Variants in DYNC2H1 observed in about 807,000 individuals in gnomAD.
The protein encoded by DYNC2H1 is dynein cytoplasmic 2 heavy chain 1.
DYNC2H1 carries 410 observed loss-of-function variants against 570.0 expected under a neutral mutation model. The ratio of observed to expected loss-of-function variants is 0.72; its 90% CI spans 0.66 to 0.78. The LOEUF (loss-of-function observed/expected upper bound fraction) is 0.78. Among genes scored for constraint, DYNC2H1 ranks in the 30% least tolerant of loss-of-function variants. DYNC2H1 has a pLI of 0.00. For missense variants in DYNC2H1, 4,865 were observed against 5,046.4 expected, an observed-to-expected ratio of 0.96 and a Z score of 1.09; for synonymous variants, 1,688 against 1,677.6, an observed-to-expected ratio of 1.01 and a Z score of -0.15.
chr11:103,433,415 T>G (rs1209393141), intron 84 of DYNC2H1, among the ~76,000 whole-genome samples: 3 of 152,120 alleles, frequency 2.0e-5, no homozygotes, highest in Admixed American at 1.3e-4. Flanking sequence ...TAAATTGCCC[T>G]AAGTCTTAGT....
Position 103,412,461 on chromosome 11 carries a change from A to G in DYNC2H1, c.12366+12589A>G, listed in dbSNP as rs76298185. The stretch of plus-strand genomic sequence containing the variant: ...TTTAAAATATACAGCAAAAATTACA[A>G]AGGTGCAAATGCCAAATTGCTTTAT... On this transcript the variant is annotated intron_variant, in intron 84 of 88. Transcript: ENST00000375735. Among the ~76,000 whole-genome samples the G allele has an allele frequency of 1.6e-3, 238 of 152,336 alleles. 4 individuals are homozygous for G. The East Asian group carries it at 0.039, about 25-fold the overall frequency.
At chr11:103,447,075 A>G (rs751793210) in intron 85 of DYNC2H1, among the ~76,000 whole-genome samples, 2 of 152,170 alleles carry the variant, frequency 1.3e-5, no homozygotes, top group Admixed American at 6.5e-5. Context: ...AGTCAGGGAA[A>G]TGGTAAATAA....
Position 103,277,174 on chromosome 11 carries a change from A to T in DYNC2H1, c.10696-3174A>T, listed in dbSNP as rs553486771. Among the ~76,000 whole-genome samples, 36 of 152,212 alleles carry T rather than the reference A, an allele frequency of 2.4e-4. No individual in the cohort carries two copies. The South Asian group carries it at 6.6e-3, about 28-fold the overall frequency. On this transcript the variant is annotated intron_variant, in intron 70 of 88. Coordinates refer to ENST00000375735, the MANE Select transcript of DYNC2H1 (RefSeq NM_001377.3). This position sits in a 1 kb window ranked among gnomAD's most constrained non-coding sequence, Gnocchi z 4.3. ...TGTTACCCCCTTTTAGACCTTATATAACAGGTGTTAAAAATTTGGTTTTAT... is the reference window on the plus strand; with the variant it reads ...TGTTACCCCCTTTTAGACCTTATATTACAGGTGTTAAAAATTTGGTTTTAT...
Position 103,200,103 on chromosome 11 carries a change from C to T in DYNC2H1, c.8146C>T (p.Gln2716Ter), listed in dbSNP as rs374452039. Residue 2716 changes from glutamine (Q) to a stop codon, truncating the protein, a stop_gained, in exon 50 of 89, where the codon CAG (glutamine) becomes TAG (stop). Transcript: ENST00000375735. LOFTEE classifies it high-confidence loss of function. ...QQVVLLLEDY[Q>*]FVHPTFLEMI... ...GGTAGTTTTACTTCTTGAGGATTACCAGTTTGTACATCCTACATTTTTGGA... is the reference window on the plus strand; with the variant it reads ...GGTAGTTTTACTTCTTGAGGATTACTAGTTTGTACATCCTACATTTTTGGA... 77 of 1,589,980 alleles carry T rather than the reference C, an allele frequency of 4.8e-5. No individual in the cohort carries two copies. Among genetic ancestry groups the T allele is most frequent in the Non-Finnish European group, 6.3e-5 (74 of 1,167,272 alleles).
chr11:103,418,919 G>A (rs1312198308), intron 84 of DYNC2H1, among the ~76,000 whole-genome samples: 5 of 152,168 alleles, frequency 3.3e-5, no homozygotes, highest in Non-Finnish European at 7.4e-5. Flanking sequence ...CAGCTGCTCA[G>A]GTACACACAC....
At chr11:103,402,320 C>A (rs1942677438) in intron 84 of DYNC2H1, 1 of 152,100 alleles carries the variant, frequency 6.6e-6, no homozygotes, top group Admixed American at 6.6e-5. Context: ...AAGAATACTT[C>A]TGAGATAATA....
At chr11:103,368,335 G>T (rs1179974588) in intron 83 of DYNC2H1, among the ~76,000 whole-genome samples, 1 of 151,916 alleles carries the variant, frequency 6.6e-6, no homozygotes, top group Non-Finnish European at 1.5e-5. Context: ...GTTTTGATTT[G>T]CATTTCTCTG....
chr11:103,158,226 T>A (rs1860921664), intron 26 of DYNC2H1, among the ~76,000 whole-genome samples: 1 of 152,178 alleles, frequency 6.6e-6, no homozygotes, highest in South Asian at 2.1e-4. Context: ...GGCGGGCGGA[T>A]CACGAGGTCA....
chr11:103,284,959 A>G (rs1866287362), intron 73 of DYNC2H1, among the ~76,000 whole-genome samples: 1 of 152,206 alleles, frequency 6.6e-6, no homozygotes, highest in Non-Finnish European at 1.5e-5. Flanking sequence ...AAAGCCTCTG[A>G]AAGATGATAT....
chr11:103,468,721 C>G lies in DYNC2H1; in HGVS notation c.12765+16C>G. On this transcript the variant is annotated intron_variant, in intron 88 of 88. Coordinates refer to ENST00000375735, the MANE Select transcript of DYNC2H1 (RefSeq NM_001377.3). ...GATTCCACAGGTAATACATTTTTAA[C>G]AAGCACAAGTTTTAATTATATCAGT... is the stretch of plus-strand genomic sequence containing the variant. 6.4e-7 allele frequency: 1 copy of G among 1,554,852 alleles called. No individual in the cohort carries two copies. The highest frequency in any genetic ancestry group is 8.8e-7 in the Non-Finnish European group (1 of 1,130,014).
At chr11:103,477,268 C>A (rs1945581274) in intron 88 of DYNC2H1, among the ~76,000 whole-genome samples, 1 of 152,146 alleles carries the variant, frequency 6.6e-6, no homozygotes, top group Non-Finnish European at 1.5e-5. Context: ...GTATCTGTGA[C>A]AACTTTGCCA....
rs1189274332 is a variant in DYNC2H1, at chr11:103,125,202, GCT to G, written c.1769_1770del (p.Ser590CysfsTer28). The G allele has an allele frequency of 6.2e-7, 1 of 1,613,550 alleles. No individual in the cohort carries two copies. The highest frequency in any genetic ancestry group is 1.1e-5 in the South Asian group (1 of 91,036). ...LVILLREVRQ[L>X]SALGFVIPAK... Reference sequence around the variant, plus strand: ...TGATTCTTCTGAGAGAAGTTCGTCAGCTCTCTGCACTTGGCTTTGTTATTCCT... The same window carrying G: ...TGATTCTTCTGAGAGAAGTTCGTCAGCTCTGCACTTGGCTTTGTTATTCCT... On this transcript the variant is annotated frameshift_variant, in exon 12 of 89. Transcript: ENST00000375735. LOFTEE classifies it high-confidence loss of function.
intron 48 of DYNC2H1, 27 bp downstream of exon 48, chr11:103,198,090 T>G: frequency 6.5e-7 from 1 of 1,545,396 alleles, no homozygotes; most frequent in Non-Finnish European, 8.8e-7. Context: ...TAATTGGAAC[T>G]GGGATTTGGT....
chr11:103,213,225 C>A (rs1863226561), intron 54 of DYNC2H1, among the ~76,000 whole-genome samples: 1 of 152,022 alleles, frequency 6.6e-6, no homozygotes, highest in South Asian at 2.1e-4. Flanking sequence ...AAGTCTCTTA[C>A]AAGAAAAATG....
chr11:103,141,943 C>A (rs949850649), intron 17 of DYNC2H1, among the ~76,000 whole-genome samples: 10 of 152,228 alleles, frequency 6.6e-5, no homozygotes, highest in Admixed American at 5.2e-4. Flanking sequence ...TCGCTGCCAC[C>A]TTGCAGTTTG....
chr11:103,283,395 ACT>A (rs1238820253), intron 73 of DYNC2H1, among the ~76,000 whole-genome samples: 1 of 152,168 alleles, frequency 6.6e-6, no homozygotes, highest in African/African-American at 2.4e-5. Context: ...TAGAAGCTTA[ACT>A]CTCAACAATT....
rs1443591756 is a variant in DYNC2H1, at chr11:103,203,506, A to G, written c.8198-157A>G. Among the ~76,000 whole-genome samples the G allele has an allele frequency of 2.0e-5, 3 of 152,210 alleles. No individual in the cohort carries two copies. Among genetic ancestry groups the G allele is most frequent in the African/African-American group, 4.8e-5 (2 of 41,466 alleles). On this transcript the variant is annotated intron_variant, in intron 50 of 88. Transcript: ENST00000375735. This position sits in a 1 kb window ranked among gnomAD's most constrained non-coding sequence, Gnocchi z 4.7. ...TGCTTAGGTGTTTGAATTTTATCAA[A>G]TGAGGGCTATAGATAAAGATTTGTG...
At chr11:103,172,038 A>T (rs1242543030) in intron 34 of DYNC2H1, among the ~76,000 whole-genome samples, 3 of 152,188 alleles carry the variant, frequency 2.0e-5, no homozygotes, top group Non-Finnish European at 4.4e-5. Flanking sequence ...AGTTGTAAGA[A>T]CTAAGAAATT....
intron 47 of DYNC2H1, among the ~76,000 whole-genome samples, chr11:103,197,580 T>A (rs1862551819): frequency 6.6e-6 from 1 of 152,122 alleles, no homozygotes. Context: ...CCCAAGTAGC[T>A]AGGACCACAG....
Sources: allele counts gnomAD v4.1 joint callset (sites outside exome capture counted in the v4.1 genomes callset), GRCh38; gene constraint gnomAD v4.1.1; non-coding constraint Gnocchi (gnomAD v3.1); transcripts MANE v1.5; gene names NCBI Gene and HGNC (gene_info 2026-07-23, HGNC 2026-07-21).